PLXNA2: variants seen among roughly 807,000 people sequenced by gnomAD.
PLXNA2 encodes plexin-A2.
In PLXNA2, 91 loss-of-function variants were observed where a neutral mutation model predicts 193.5. The ratio of observed to expected loss-of-function variants is 0.47; its 90% confidence interval spans 0.40 to 0.56. The LOEUF is 0.56. Among genes scored for constraint, PLXNA2 ranks in the 20% least tolerant of loss-of-function variants. The pLI is 0.00. For synonymous variants in PLXNA2, 997 were observed against 1,027.3 expected (o/e 0.97, Z 0.56); for missense variants, 1,995 against 2,503.2 (o/e 0.80, Z 4.33).
chr1:208,185,966 A>G (rs1275885330), intron 3 of PLXNA2, among the ~76,000 whole-genome samples: 1 of 152,148 alleles, frequency 6.6e-6, no homozygotes, highest in African/African-American at 2.4e-5. Flanking sequence ...GCAGCAGACT[A>G]GATGTAGCCC....
chr1:208,207,936 C>A lies in PLXNA2; in HGVS notation c.1371+2344G>T, dbSNP rs554246209. ...GAAGCAGCCAAATCACAGGTCAGAA[C>A]AAGCTGTGGGTAACCACGCCCCCAG... On this transcript the variant is annotated intron_variant, in intron 3 of 31. Coordinates refer to ENST00000367033, the MANE Select transcript of PLXNA2 (RefSeq NM_025179.4). Among the ~76,000 whole-genome samples, 16 of 152,366 alleles carry A rather than the reference C, an allele frequency of 1.1e-4. No individual in the cohort carries two copies. In the East Asian group the frequency reaches 2.9e-3, roughly 28 times the overall value.
intron 9 of PLXNA2, among the ~76,000 whole-genome samples, chr1:208,091,639 G>A (rs1220909178): frequency 2.6e-5 from 4 of 152,082 alleles, no homozygotes; most frequent in East Asian, 1.9e-4. Context: ...TTGGGAGGCC[G>A]AGGCGGGTGG....
intron 12 of PLXNA2, among the ~76,000 whole-genome samples, 195 bp downstream of exon 12, chr1:208,079,065 C>T (rs1042179856): frequency 3.3e-5 from 5 of 152,326 alleles, no homozygotes; most frequent in South Asian, 4.1e-4. Context: ...CATGAGGATG[C>T]GCTTCCATAC....
chr1:208,054,328 T>C, intron 14 of PLXNA2, 93 bp downstream of exon 14: 1 of 789,896 alleles, frequency 1.3e-6, no homozygotes, highest in Non-Finnish European at 2.2e-6. Context: ...AGAAGCCTGG[T>C]GGTGGAGGGG....
chr1:208,158,732 G>T (rs1389901352), intron 3 of PLXNA2, among the ~76,000 whole-genome samples: 1 of 152,236 alleles, frequency 6.6e-6, no homozygotes, highest in East Asian at 1.9e-4. Flanking sequence ...CAAACACTAT[G>T]CAGGAAGCTG....
intron 12 of PLXNA2, among the ~76,000 whole-genome samples, chr1:208,068,808 T>G (rs1287610172): frequency 6.6e-6 from 1 of 152,236 alleles, no homozygotes; most frequent in Non-Finnish European, 1.5e-5. Flanking sequence ...TTAGGCACCT[T>G]TCATTCAGCT....
intron 4 of PLXNA2, among the ~76,000 whole-genome samples, chr1:208,119,422 G>A (rs754808595): frequency 2.6e-5 from 4 of 152,146 alleles, no homozygotes; most frequent in Non-Finnish European, 4.4e-5. Flanking sequence ...TTCAGGGAGG[G>A]GTGAAGCTCT....
At chr1:208,064,885 C>T (rs1413925883) in intron 12 of PLXNA2, among the ~76,000 whole-genome samples, 2 of 152,158 alleles carry the variant, frequency 1.3e-5, no homozygotes, top group Admixed American at 1.3e-4. Context: ...CCACCAGCCC[C>T]GCCCAACACA....
intron 3 of PLXNA2, among the ~76,000 whole-genome samples, chr1:208,173,360 G>A (rs969676837): frequency 2.0e-5 from 3 of 152,158 alleles, no homozygotes; most frequent in Admixed American, 1.3e-4. Context: ...TATGAGCCCC[G>A]TTTAGATTTC....
At chr1:208,166,951 G>A (rs917791295) in intron 3 of PLXNA2, among the ~76,000 whole-genome samples, 18 of 152,236 alleles carry the variant, frequency 1.2e-4, no homozygotes, top group Admixed American at 2.6e-4. Context: ...CTGCAACTCC[G>A]CACCTGAGTC....
rs769037271 is a variant in PLXNA2, at chr1:208,075,322, AT to A, written c.2586+3937del. The stretch of plus-strand genomic sequence containing the variant: ...GAGACTCTGTCTCAAAAAAAAAAAA[AT>A]AATAAGAAAAGAAAATCTCCTTAAA... On this transcript the variant is annotated intron_variant, in intron 12 of 31. Coordinates refer to ENST00000367033, the MANE Select transcript of PLXNA2 (RefSeq NM_025179.4). Among the ~76,000 whole-genome samples, 42 of 139,636 alleles carry A rather than the reference AT, an allele frequency of 3.0e-4. No individual in the cohort carries two copies. The East Asian group carries it at 4.5e-3, about 15-fold the overall frequency. 91.6% of individuals were successfully genotyped at this position (139,636 alleles called of 152,430 possible).
chr1:208,069,523 T>C (rs898479872), intron 12 of PLXNA2, among the ~76,000 whole-genome samples: 1 of 152,154 alleles, frequency 6.6e-6, no homozygotes, highest in Non-Finnish European at 1.5e-5. Flanking sequence ...ATGCAGCCAA[T>C]TAATTACAGC....
At chr1:208,178,624 C>G (rs1176918840) in intron 3 of PLXNA2, among the ~76,000 whole-genome samples, 1 of 152,204 alleles carries the variant, frequency 6.6e-6, no homozygotes, top group Non-Finnish European at 1.5e-5. Flanking sequence ...GGGCCCTTGG[C>G]CTCCTTGTTG....
intron 3 of PLXNA2, among the ~76,000 whole-genome samples, chr1:208,195,780 A>G (rs1670339110): frequency 6.6e-6 from 1 of 151,720 alleles, no homozygotes; most frequent in Admixed American, 6.6e-5. Flanking sequence ...GGCATCAAGG[A>G]GACAGATTTT....
intron 3 of PLXNA2, among the ~76,000 whole-genome samples, chr1:208,165,772 G>A (rs926072222): frequency 3.9e-5 from 6 of 152,178 alleles, no homozygotes; most frequent in African/African-American, 1.4e-4. Context: ...CAGAGTTCCA[G>A]GACTGAGAGC....
At chr1:208,154,986 C>T (rs1170319596) in intron 3 of PLXNA2, among the ~76,000 whole-genome samples, 2 of 152,132 alleles carry the variant, frequency 1.3e-5, no homozygotes, top group African/African-American at 4.8e-5. Flanking sequence ...TTGGGTGGGA[C>T]CAGACTGAGG....
intron 3 of PLXNA2, among the ~76,000 whole-genome samples, chr1:208,185,696 C>CAAAAAAAAAAAAAAAAAAAAAAGA (rs1669972124): frequency 1.7e-5 from 1 of 57,256 alleles, no homozygotes; most frequent in Non-Finnish European, 3.0e-5. Flanking sequence ...TCTCTGAAAG[C>CAAAAAAAAAAAAAAAAAAAAAAGA]AAAAAAAAAA....
intron 10 of PLXNA2, 121 bp downstream of exon 10, chr1:208,084,259 G>C: frequency 9.8e-7 from 1 of 1,024,826 alleles, no homozygotes; most frequent in African/African-American, 1.6e-5. Flanking sequence ...CATCCCTGGG[G>C]ATGTGGGCTC....
rs763194019 is a variant in PLXNA2, at chr1:208,033,309, G to T, written c.5055+10C>A. 1.9e-6 allele frequency: 3 copies of T among 1,608,890 alleles called. No homozygotes were observed. Among genetic ancestry groups the T allele is most frequent in the Admixed American group, 1.7e-5 (1 of 59,896 alleles). ...CAAGCACTCCCTGGTCTGGGCAGAG[G>T]GGGAGTTACCTTGGTGGCCAGTAGC... On this transcript the variant is annotated intron_variant, in intron 28 of 31. Coordinates refer to ENST00000367033, the MANE Select transcript of PLXNA2 (RefSeq NM_025179.4).
Sources: allele counts gnomAD v4.1 joint callset (sites outside exome capture counted in the v4.1 genomes callset), GRCh38; gene constraint gnomAD v4.1.1; transcripts MANE v1.5; gene names NCBI Gene and HGNC (gene_info 2026-07-23, HGNC 2026-07-21).